Variants in NSD1 observed in about 807,000 individuals in gnomAD.
NSD1 encodes the protein nuclear receptor binding SET domain protein 1.
NSD1 carries 26 observed loss-of-function variants against 242.7 expected under a neutral mutation model. That is an observed-to-expected ratio of 0.11 (90% CI 0.08 to 0.15). NSD1 has a LOEUF of 0.15. Among genes scored for constraint, NSD1 ranks in the 10% least tolerant of loss-of-function variants. NSD1 has a pLI of 1.00. For synonymous variants in NSD1, 1,106 were observed against 1,178.1 expected, an observed-to-expected ratio of 0.94 and a Z score of 1.25; for missense variants, 2,495 against 3,272.8, an observed-to-expected ratio of 0.76 and a Z score of 5.80.
intron 14 of NSD1, among the ~76,000 whole-genome samples, 193 bp from the exon 15 acceptor site, chr5:177,267,369 C>T (rs1757576356): frequency 6.6e-6 from 1 of 152,120 alleles, no homozygotes; most frequent in South Asian, 2.1e-4. Context: ...GCTAGAATTC[C>T]AACCTGAACC....
At chr5:177,258,330 C>A (rs1756699734) in intron 13 of NSD1, among the ~76,000 whole-genome samples, 1 of 151,674 alleles carries the variant, frequency 6.6e-6, no homozygotes. Flanking sequence ...GAAATGCATG[C>A]CAAGGCAGGA....
At chr5:177,257,217 CTTT>C in intron 13 of NSD1, 66 bp downstream of exon 13, 1 of 888,314 alleles carries the variant, frequency 1.1e-6, no homozygotes, top group East Asian at 2.7e-5. Context: ...CAGATATTTT[CTTT>C]TTTCTTTCTT....
intron 5 of NSD1, among the ~76,000 whole-genome samples, chr5:177,219,719 C>T (rs1764087168): frequency 6.6e-6 from 1 of 152,094 alleles, no homozygotes; most frequent in South Asian, 2.1e-4. Context: ...AATCTCAGCA[C>T]TTTGGGAGGC....
rs1449658273 is a variant in NSD1, at chr5:177,135,134, A to C, written c.31A>C (p.Asn11His). The C allele has an allele frequency of 1.2e-6, 2 of 1,614,186 alleles. No individual in the cohort carries two copies. Among genetic ancestry groups the C allele is most frequent in the East Asian group, 4.5e-5 (2 of 44,890 alleles). MDQTCELPRR[N>H]CLLPFSNPVN... The stretch of plus-strand genomic sequence containing the variant: ...TCAGACCTGTGAACTACCCAGAAGA[A>C]ATTGTCTGCTGCCCTTTTCCAATCC... The change falls in exon 2 of 23, where the codon AAT becomes CAT. Residue 11 changes from asparagine (N) to histidine (H), a missense_variant. By Grantham distance (68) the Asn-to-His change is moderately conservative. Coordinates refer to ENST00000439151, the MANE Select transcript of NSD1 (RefSeq NM_022455.5).
At chr5:177,252,569 T>TTA (rs1205352797) in intron 12 of NSD1, among the ~76,000 whole-genome samples, 3 of 93,644 alleles carry the variant, frequency 3.2e-5, no homozygotes, top group African/African-American at 7.3e-5. Flanking sequence ...TTTTTTTTTT[T>TTA]AATAAGAGAT....
rs144562009 is a variant in NSD1 at position 177,238,377 on chromosome 5, C to T, written c.4062C>T (p.Gly1354=). The T allele has an allele frequency of 3.7e-6, 6 of 1,613,926 alleles. No individual in the cohort carries two copies. Among genetic ancestry groups the T allele is most frequent in the Non-Finnish European group, 4.2e-6 (5 of 1,179,976 alleles). ...VLEREAPFLE[G]PLAQSELGGG... is the part of the protein sequence containing the mutation. ...AAAGGGAGGCTCCGTTTTTGGAGGG[C>T]CCCTTGGCTCAGTCAGAACTTGGAG... Residue 1354 remains glycine, a synonymous_variant, in exon 7 of 23, where the codon GGC becomes GGT. Coordinates refer to ENST00000439151, the MANE Select transcript of NSD1 (RefSeq NM_022455.5). The surrounding 1 kb of genome is among the most constrained non-coding windows in gnomAD (Gnocchi z 4.6).
intron 2 of NSD1, among the ~76,000 whole-genome samples, chr5:177,183,020 TC>T (rs1333793914): frequency 6.6e-6 from 1 of 152,156 alleles, no homozygotes; most frequent in East Asian, 1.9e-4. Context: ...CGAGCAGTCT[TC>T]CTGCCTTGGC....
intron 17 of NSD1, among the ~76,000 whole-genome samples, chr5:177,279,525 T>A (rs1291976694): frequency 6.6e-6 from 1 of 152,000 alleles, no homozygotes; most frequent in Non-Finnish European, 1.5e-5. Context: ...ATAATGCCTA[T>A]TTTTTTGTAG....
At chr5:177,252,861 A>G (rs1023061211) in intron 12 of NSD1, among the ~76,000 whole-genome samples, 38 of 149,044 alleles carry the variant, frequency 2.5e-4, no homozygotes, top group African/African-American at 8.8e-4. Flanking sequence ...TGAAGAAATC[A>G]GGGCTGAGGT....
In NSD1 at chr5:177,295,098, T is replaced by C; in HGVS notation, c.7730T>C (p.Val2577Ala). 1.9e-6 allele frequency: 3 copies of C among 1,611,654 alleles called. No individual in the cohort carries two copies. The highest frequency in any genetic ancestry group is 2.5e-6 in the Non-Finnish European group (3 of 1,178,428). ...PGPLSQSPGLVKQAKQMVGGQ... is the reference protein window; with the variant it reads ...PGPLSQSPGLAKQAKQMVGGQ... ...CCTCTTAGCCAATCCCCGGGCCTGGTGAAGCAGGCGAAGCAGATGGTCGGA... is the reference window on the plus strand; with the variant it reads ...CCTCTTAGCCAATCCCCGGGCCTGGCGAAGCAGGCGAAGCAGATGGTCGGA... Residue 2577 changes from valine (V) to alanine (A), a missense_variant, in exon 23 of 23, where the codon GTG (valine) becomes GCG (alanine). Coordinates refer to ENST00000439151, the MANE Select transcript of NSD1 (RefSeq NM_022455.5). The surrounding 1 kb of genome is among the most constrained non-coding windows in gnomAD (Gnocchi z 4.3).
intron 10 of NSD1, 121 bp downstream of exon 10, chr5:177,246,917 C>A: frequency 2.7e-6 from 2 of 749,962 alleles, no homozygotes; most frequent in Non-Finnish European, 4.7e-6. Flanking sequence ...TGGCTGATGG[C>A]CATAAGGAAT....
Position 177,209,899 on chromosome 5 carries a change from A to G in NSD1, c.1500A>G (p.Arg500=), listed in dbSNP as rs1469000222. 7 of 1,614,172 alleles carry G rather than the reference A, an allele frequency of 4.3e-6. No individual in the cohort carries two copies. The Admixed American group carries it at 1.0e-4, about 23-fold the overall frequency. ...AGCCTTGCGCTAAATCTCGAGCCAG[A>G]AAGAGCTCTGATAATCCAAAAAGGA... ...KEKPCAKSRA[R]KSSDNPKRTS... The change falls in exon 5 of 23, where the codon AGA becomes AGG. Residue 500 remains arginine, a synonymous_variant. Transcript: ENST00000439151.
At chr5:177,249,057 AG>A (rs1755687669) in intron 11 of NSD1, among the ~76,000 whole-genome samples, 1 of 152,202 alleles carries the variant, frequency 6.6e-6, no homozygotes, top group African/African-American at 2.4e-5. Context: ...TCTGTGAGAT[AG>A]GGGATTCCAC....
rs1250276635 is a variant in NSD1, at chr5:177,210,999, T to G, written c.2600T>G (p.Leu867Arg). ...VKHVLSELKE[L>R]SYRSLGEDVS... The stretch of plus-strand genomic sequence containing the variant: ...CATGTTTTATCCGAGTTGAAGGAAC[T>G]CTCTTACAGATCCTTAGGTGAGGAT... Residue 867 changes from leucine (L) to arginine (R), a missense_variant, in exon 5 of 23, where the codon CTC (leucine) becomes CGC (arginine). By Grantham distance (102) the Leu-to-Arg change is moderately radical. Around this residue, in one of 19 missense-constraint regions of NSD1, gnomAD observed 121 missense variants for 167.2 expected, o/e 0.72. Transcript: ENST00000439151. 3.7e-6 allele frequency: 6 copies of G among 1,614,040 alleles called. No individual in the cohort carries two copies. Among genetic ancestry groups the G allele is most frequent in the Admixed American group, 1.7e-5 (1 of 59,994 alleles).
intron 14 of NSD1, chr5:177,265,084 A>G (rs1581481452): frequency 3.0e-5 from 22 of 737,652 alleles, no homozygotes; most frequent in South Asian, 1.8e-4. Flanking sequence ...TTCCTGAAAC[A>G]TGTGAAGGAA....
In NSD1 at chr5:177,294,586, T is replaced by G; in HGVS notation, c.7218T>G (p.Pro2406=). 6.2e-7 allele frequency: 1 copy of G among 1,614,218 alleles called. No homozygotes were observed. Among genetic ancestry groups the G allele is most frequent in the South Asian group, 1.1e-5 (1 of 91,090 alleles). ...SSPKPQTSDR[P]TDKPHASLSQ... is the part of the protein sequence containing the mutation. Reference sequence around the variant, plus strand: ...CCAAACCCCAGACTTCAGACAGGCCTACTGACAAACCCCATGCCTCTTTGT... The same window carrying G: ...CCAAACCCCAGACTTCAGACAGGCCGACTGACAAACCCCATGCCTCTTTGT... Residue 2406 remains proline, a synonymous_variant, in exon 23 of 23, where the codon CCT becomes CCG. Transcript: ENST00000439151.
intron 2 of NSD1, among the ~76,000 whole-genome samples, chr5:177,161,225 A>G (rs1431882345): frequency 6.6e-6 from 1 of 152,096 alleles, no homozygotes; most frequent in African/African-American, 2.4e-5. Flanking sequence ...CTCTACAAAA[A>G]AAATAAATTA....
intron 2 of NSD1, among the ~76,000 whole-genome samples, chr5:177,155,358 G>C (rs993618822): frequency 4.6e-5 from 7 of 150,766 alleles, no homozygotes; most frequent in Admixed American, 4.6e-4. Context: ...GAACTCCTGA[G>C]CTCAGGTGAT....
At chr5:177,236,603 G>C (rs1471472172) in intron 6 of NSD1, among the ~76,000 whole-genome samples, 2 of 152,118 alleles carry the variant, frequency 1.3e-5, no homozygotes, top group Non-Finnish European at 2.9e-5. Context: ...GTCTATAAGA[G>C]AGTGACATAT....
Sources: gnomAD v4.1 joint callset for allele counts (sites outside exome capture counted in the v4.1 genomes callset) on GRCh38, gnomAD v4.1.1 for gene constraint, gnomAD v4.1.1 regional missense constraint, Gnocchi (gnomAD v3.1) non-coding constraint, MANE v1.5 for transcripts, NCBI Gene and HGNC (gene_info 2026-07-23, HGNC 2026-07-21) for gene names.